Variants in MRTFA observed in about 807,000 individuals in gnomAD.
MRTFA encodes myocardin related transcription factor A.
A neutral mutation model predicts 83.5 loss-of-function variants in MRTFA; 20 were observed. The ratio of observed to expected loss-of-function variants is 0.24; its 90% CI spans 0.17 to 0.35. MRTFA has a LOEUF of 0.35. MRTFA is among the 10% of genes least tolerant of loss of function. MRTFA has a pLI of 1.00. For synonymous variants in MRTFA, 659 were observed against 541.2 expected, an observed-to-expected ratio of 1.22 and a Z score of -3.02; for missense variants, 1,200 against 1,224.7, an observed-to-expected ratio of 0.98 and a Z score of 0.30.
rs756818336 is a variant in MRTFA at position 40,423,646 on chromosome 22, T to C, written c.817A>G (p.Met273Val). 3.8e-6 allele frequency: 6 copies of C among 1,587,482 alleles called. No individual in the cohort carries two copies. The highest frequency in any genetic ancestry group is 5.1e-6 in the Non-Finnish European group (6 of 1,165,878). The change falls in exon 9 of 15, where the codon ATG becomes GTG. Residue 273 changes from methionine to valine, a missense_variant. Met to Val is a conservative substitution (Grantham distance 21). This residue lies in a region of MRTFA where 1,107 missense variants were observed against 1,041.8 expected (regional missense o/e 1.06). Transcript: ENST00000355630. The stretch of plus-strand genomic sequence containing the variant: ...GGAGGCTGCTCTGCCAGGAAAAGCA[T>C]TTCTCTGGAATCCCGGCCCATCGGA...
intron 3 of MRTFA, among the ~76,000 whole-genome samples, chr22:40,495,781 ACTGT>A (rs543566228): frequency 6.7e-6 from 1 of 148,354 alleles, no homozygotes; most frequent in South Asian, 2.1e-4. Context: ...AAAAAAGTAC[ACTGT>A]CTGGCTGGGT....
chr22:40,573,601 T>G (rs868727130), intron 2 of MRTFA, among the ~76,000 whole-genome samples: 1 of 152,136 alleles, frequency 6.6e-6, no homozygotes, highest in African/African-American at 2.4e-5. Flanking sequence ...GTGATTTATA[T>G]CTCAACTTTT....
chr22:40,499,314 TCTGA>T lies in MRTFA; in HGVS notation c.242-36032_242-36029del, dbSNP rs559744368. On this transcript the variant is annotated intron_variant, in intron 3 of 14. Coordinates refer to ENST00000355630, the MANE Select transcript of MRTFA (RefSeq NM_020831.6). ...CTCCCTGGATTCCTTGTTCTGATTC[TCTGA>T]CTAATACTGAGTCATTTAAAGAACA... 2.2e-3 allele frequency among the ~76,000 whole-genome samples: 331 copies of T among 152,332 alleles called. 1 individual carries two copies. Among genetic ancestry groups the T allele is most frequent in the African/African-American group, 7.7e-3 (319 of 41,578 alleles).
chr22:40,528,530 G>A (rs988799387), intron 3 of MRTFA, among the ~76,000 whole-genome samples: 1 of 151,994 alleles, frequency 6.6e-6, no homozygotes, highest in Non-Finnish European at 1.5e-5. Context: ...CTGAGGTCAG[G>A]AATTCGAGAC....
At chr22:40,606,733 T>C (rs2080286683) in intron 1 of MRTFA, among the ~76,000 whole-genome samples, 1 of 152,214 alleles carries the variant, frequency 6.6e-6, no homozygotes, top group Non-Finnish European at 1.5e-5. Context: ...GATTCCTCTT[T>C]GGAGACATCA....
chr22:40,458,413 A>G (rs1055184756), intron 4 of MRTFA, among the ~76,000 whole-genome samples: 2 of 152,192 alleles, frequency 1.3e-5, no homozygotes, highest in African/African-American at 4.8e-5. Context: ...TATAGGAATT[A>G]GGGGATTCTT....
intron 3 of MRTFA, among the ~76,000 whole-genome samples, chr22:40,489,182 G>A (rs139063): frequency 0.36 from 54,570 of 151,892 alleles, 10,927 homozygotes; most frequent in East Asian, 0.63. Context: ...AGTATTACAA[G>A]GAAGAATGAT....
Position 40,411,231 on chromosome 22 carries a change from T to TAAGGGCTTCTCTGTTCTAG in MRTFA, c.*140_*158dup. 1 of 746,822 alleles carries TAAGGGCTTCTCTGTTCTAG rather than the reference T, an allele frequency of 1.3e-6. No individual in the cohort carries two copies. Among genetic ancestry groups the TAAGGGCTTCTCTGTTCTAG allele is most frequent in the East Asian group, 2.8e-5 (1 of 35,942 alleles). The allele number at this position is 746,822 out of a possible 1,614,324, so 46.3% of individuals were successfully genotyped here. ...GCCCTGCGTGGCACTGAACCAGGAG[T>TAAGGGCTTCTCTGTTCTAG]AAGGGCTTCTCTGTTCTAGCCTCCC... On this transcript the variant is annotated 3_prime_UTR_variant, in exon 15 of 15. Transcript: ENST00000355630.
Position 40,476,564 on chromosome 22 carries a change from T to C in MRTFA, c.242-13278A>G, listed in dbSNP as rs917684157. On this transcript the variant is annotated intron_variant, in intron 3 of 14. Coordinates refer to ENST00000355630, the MANE Select transcript of MRTFA (RefSeq NM_020831.6). ...CCTCAACTTCCTGGGCTCAAGCAAT[T>C]GATCCTCTTGCCTCAGCTTCTTCAG... 3.9e-5 allele frequency among the ~76,000 whole-genome samples: 6 copies of C among 152,246 alleles called. No homozygotes were observed. In the East Asian group the frequency reaches 1.2e-3, roughly 29 times the overall value.
Position 40,416,501 on chromosome 22 carries a change from CCTT to C in MRTFA, c.2578+482_2578+484del, listed in dbSNP as rs2052682498. Among the ~76,000 whole-genome samples the C allele has an allele frequency of 6.6e-6, 1 of 152,222 alleles. No homozygotes were observed. Among genetic ancestry groups the C allele is most frequent in the Admixed American group, 6.5e-5 (1 of 15,284 alleles). ...GCCACGCATGATCTGGCCATGAAGG[CCTT>C]CTTCCCCTTTCCTCAACTCCACTCC... On this transcript the variant is annotated intron_variant, in intron 14 of 14. Coordinates refer to ENST00000355630, the MANE Select transcript of MRTFA (RefSeq NM_020831.6). This position sits in a 1 kb window ranked among gnomAD's most constrained non-coding sequence, Gnocchi z 4.2.
intron 3 of MRTFA, among the ~76,000 whole-genome samples, chr22:40,479,686 G>A (rs1347758297): frequency 6.6e-6 from 1 of 152,054 alleles, no homozygotes; most frequent in Admixed American, 6.6e-5. Context: ...GGTGCTCAAA[G>A]GAAATGCTCA....
intron 3 of MRTFA, among the ~76,000 whole-genome samples, chr22:40,524,881 C>T (rs568744394): frequency 2.2e-4 from 34 of 152,300 alleles, no homozygotes; most frequent in African/African-American, 7.9e-4. Flanking sequence ...AATCTCGGCT[C>T]ACTGCAACCT....
intron 11 of MRTFA, among the ~76,000 whole-genome samples, 193 bp downstream of exon 11, chr22:40,420,212 C>T (rs2052799585): frequency 6.6e-6 from 1 of 152,236 alleles, no homozygotes; most frequent in Non-Finnish European, 1.5e-5. Flanking sequence ...TTCACCATGA[C>T]CACCTCCAGG....
At position 40,625,972 on chromosome 22, in the gene MRTFA, C is replaced by G. The variant is rs534454198; in HGVS notation, c.-84+10506G>C. Among the ~76,000 whole-genome samples, 24 of 151,298 alleles carry G rather than the reference C, an allele frequency of 1.6e-4. 1 individual carries two copies. Among genetic ancestry groups the G allele is most frequent in the Middle Eastern group, 3.4e-3 (1 of 292 alleles). On this transcript the variant is annotated intron_variant, in intron 1 of 14. Coordinates refer to ENST00000355630, the MANE Select transcript of MRTFA (RefSeq NM_020831.6). ...TAAAGATGATCACATAAACAATGGA[C>G]AAAAAAGAAAATAACCCTTACTTTT...
At chr22:40,586,853 G>A (rs2056036179) in intron 2 of MRTFA, 2 of 406,896 alleles carry the variant, frequency 4.9e-6, no homozygotes, top group Admixed American at 2.9e-5. Flanking sequence ...CTTCTTGACT[G>A]CAACCCCCTT....
chr22:40,509,886 A>C (rs904084394), intron 3 of MRTFA, among the ~76,000 whole-genome samples: 25 of 150,416 alleles, frequency 1.7e-4, no homozygotes, highest in African/African-American at 5.1e-4. Context: ...TTTCTCAATG[A>C]CGCAGGCTCC....
rs976445451 is a variant in MRTFA, at chr22:40,463,175, T to C, written c.307+46A>G. The C allele has an allele frequency of 3.9e-6, 6 of 1,523,774 alleles. No homozygotes were observed. The African/African-American group carries it at 4.1e-5, about 10-fold the overall frequency. The allele number at this position is 1,523,774 out of a possible 1,614,324, so 94.4% of individuals were successfully genotyped here. A position where few individuals can be genotyped will look rare whatever the true frequency, so the allele number is the denominator to read the frequency against. On this transcript the variant is annotated intron_variant, in intron 4 of 14. Transcript: ENST00000355630. ...ATGGCATACTCGGTGAACACAGCCA[T>C]GTCCTAAAAGCAATCTACCAAATGC...
intron 3 of MRTFA, among the ~76,000 whole-genome samples, chr22:40,520,055 T>C (rs1259436626): frequency 1.3e-5 from 2 of 152,200 alleles, no homozygotes; most frequent in African/African-American, 4.8e-5. Context: ...TAAAGAGATA[T>C]ATTTTCATCC....
chr22:40,478,446 A>C (rs1278170824), intron 3 of MRTFA, among the ~76,000 whole-genome samples: 10 of 152,170 alleles, frequency 6.6e-5, no homozygotes, highest in Non-Finnish European at 1.5e-4. Flanking sequence ...CTTTCTTCTA[A>C]GTCTAAAATC....
Sources: allele counts gnomAD v4.1 joint callset (sites outside exome capture counted in the v4.1 genomes callset), GRCh38; gene constraint gnomAD v4.1.1; regional missense constraint gnomAD v4.1.1; non-coding constraint Gnocchi (gnomAD v3.1); transcripts MANE v1.5; gene names NCBI Gene and HGNC (gene_info 2026-07-23, HGNC 2026-07-21).